The following KIF13B variants were observed in gnomAD, a reference collection of about 807,000 sequenced individuals.
KIF13B encodes kinesin-like protein KIF13B.
A neutral mutation model predicts 222.0 loss-of-function variants in KIF13B; 127 were observed. The ratio of observed to expected loss-of-function variants is 0.57; its 90% CI spans 0.50 to 0.66. KIF13B has a LOEUF of 0.66. Ranked by LOEUF, KIF13B falls within the 30% of genes least tolerant of loss-of-function variation. The probability of loss-of-function intolerance (pLI) is 0.00; values close to 1 mark genes in which losing one functional copy is unlikely to be tolerated. For synonymous variants in KIF13B, 976 were observed against 919.0 expected (o/e 1.06, Z -1.12); for missense variants, 2,173 against 2,379.0 (o/e 0.91, Z 1.80).
chr8:29,173,620 CA>C (rs143695269), intron 10 of KIF13B, among the ~76,000 whole-genome samples: 13,580 of 136,710 alleles, frequency 0.099, 823 homozygotes, highest in Non-Finnish European at 0.14. Flanking sequence ...ACCCTGTCTC[CA>C]AAAAAAAAAA....
intron 2 of KIF13B, among the ~76,000 whole-genome samples, chr8:29,206,082 C>T (rs1381507498): frequency 6.6e-6 from 1 of 151,852 alleles, no homozygotes; most frequent in Admixed American, 6.6e-5. Flanking sequence ...CAGAGCAAGA[C>T]CCCACCTTTT....
chr8:29,227,914 G>A (rs942478348), intron 2 of KIF13B, among the ~76,000 whole-genome samples: 2 of 152,054 alleles, frequency 1.3e-5, no homozygotes, highest in Non-Finnish European at 2.9e-5. Context: ...TAGTGCCACT[G>A]CATTCTAGCC....
chr8:29,196,262 T>A, intron 2 of KIF13B, 63 bp from the exon 3 acceptor site: 12 of 1,186,796 alleles, frequency 1.0e-5, no homozygotes, highest in Non-Finnish European at 1.3e-5. Flanking sequence ...AAAAAAAAAT[T>A]TAGTTTAGAA....
chr8:29,250,128 T>C, intron 1 of KIF13B: 1 of 1,022,076 alleles, frequency 9.8e-7, no homozygotes, highest in Non-Finnish European at 1.3e-6. Context: ...GGAAATCTAC[T>C]GTGACTCACC....
intron 15 of KIF13B, among the ~76,000 whole-genome samples, chr8:29,149,181 A>G (rs1217504533): frequency 6.6e-6 from 1 of 152,246 alleles, no homozygotes; most frequent in African/African-American, 2.4e-5. Flanking sequence ...GGGATATTCA[A>G]AATTTGTATA....
chr8:29,091,835 A>C (rs1280988093), intron 37 of KIF13B, among the ~76,000 whole-genome samples: 1 of 152,226 alleles, frequency 6.6e-6, no homozygotes, highest in African/African-American at 2.4e-5. Context: ...CTTGGTTTTA[A>C]TTGTTTCATC....
intron 10 of KIF13B, among the ~76,000 whole-genome samples, chr8:29,171,215 A>G (rs922969101): frequency 2.0e-5 from 3 of 152,230 alleles, no homozygotes; most frequent in African/African-American, 4.8e-5. Context: ...ATGGTTATTC[A>G]GAGGACCAAA....
chr8:29,128,951 C>T (rs540381490), intron 24 of KIF13B, among the ~76,000 whole-genome samples: 3 of 152,336 alleles, frequency 2.0e-5, no homozygotes, highest in African/African-American at 7.2e-5. Flanking sequence ...CCTCCAGAAG[C>T]TTCTGCAACC....
At chr8:29,103,784 C>A (rs1563702596) in intron 35 of KIF13B, among the ~76,000 whole-genome samples, 1 of 152,104 alleles carries the variant, frequency 6.6e-6, no homozygotes, top group Admixed American at 6.5e-5. Context: ...GAACCACTTT[C>A]CTCTCGCCTC....
chr8:29,223,210 G>A (rs7005723), intron 2 of KIF13B, among the ~76,000 whole-genome samples: 17,722 of 148,402 alleles, frequency 0.12, 1,193 homozygotes, highest in Non-Finnish European at 0.15. Context: ...GCATGGTGGC[G>A]CTCAAGTCCC....
At chr8:29,251,261 A>G (rs1439451754) in intron 1 of KIF13B, among the ~76,000 whole-genome samples, 1 of 152,096 alleles carries the variant, frequency 6.6e-6, no homozygotes, top group African/African-American at 2.4e-5. Context: ...AAAGATCAAC[A>G]CCTTTCTCTT....
chr8:29,146,629 G>T, intron 17 of KIF13B, 89 bp from the exon 18 acceptor site: 2 of 1,185,282 alleles, frequency 1.7e-6, no homozygotes, highest in Non-Finnish European at 1.2e-6. Context: ...GTACATCATT[G>T]CCAAAGTGTG....
At chr8:29,222,513 GACTTTTTTTTTTTTTTTTTTT>G (rs1814800622) in intron 2 of KIF13B, among the ~76,000 whole-genome samples, 3 of 95,730 alleles carry the variant, frequency 3.1e-5, no homozygotes, top group African/African-American at 4.1e-5. Context: ...TCCCACACCT[GACTTTTTTTTTTTTTTTTTTT>G]TTTTTTTTTT....
intron 1 of KIF13B, among the ~76,000 whole-genome samples, chr8:29,251,577 A>G (rs116899116): frequency 0.031 from 4,738 of 152,222 alleles, 101 homozygotes; most frequent in Middle Eastern, 0.048. Flanking sequence ...TCATAGAGAC[A>G]CAATGTAGAA....
chr8:29,141,873 A>G (rs937954544), intron 19 of KIF13B, among the ~76,000 whole-genome samples: 1 of 152,234 alleles, frequency 6.6e-6, no homozygotes, highest in Non-Finnish European at 1.5e-5. Flanking sequence ...CCCAGAGAGC[A>G]CAGGAGACAG....
In KIF13B at chr8:29,134,230, CTG is replaced by C; in HGVS notation, c.2614-22_2614-21del. 1 of 1,609,710 alleles carries C rather than the reference CTG, an allele frequency of 6.2e-7. No individual in the cohort carries two copies. The highest frequency in any genetic ancestry group is 8.5e-7 in the Non-Finnish European group (1 of 1,178,012). On this transcript the variant is annotated intron_variant, in intron 21 of 39. Coordinates refer to ENST00000524189, the MANE Select transcript of KIF13B (RefSeq NM_015254.4). ...TTTAACCTGAAGGAAAAAGAAGGCTCTGTGTTTTGAAATCTGAGGGTTCCAAC... is the reference window on the plus strand; with the variant it reads ...TTTAACCTGAAGGAAAAAGAAGGCTCTGTTTTGAAATCTGAGGGTTCCAAC...
intron 36 of KIF13B, among the ~76,000 whole-genome samples, chr8:29,093,812 A>G (rs1808404089): frequency 6.6e-6 from 1 of 152,212 alleles, no homozygotes; most frequent in South Asian, 2.1e-4. Context: ...GAAAAATAAA[A>G]AAGCAAAGAG....
intron 6 of KIF13B, among the ~76,000 whole-genome samples, chr8:29,183,636 A>C (rs1379590047): frequency 6.6e-6 from 1 of 152,236 alleles, no homozygotes; most frequent in African/African-American, 2.4e-5. Context: ...TTTGGGCTCT[A>C]GAACAGCAAG....
intron 6 of KIF13B, among the ~76,000 whole-genome samples, chr8:29,184,025 C>T (rs919094880): frequency 2.0e-5 from 3 of 152,052 alleles, no homozygotes; most frequent in African/African-American, 7.3e-5. Flanking sequence ...CTAGGATCAA[C>T]CATTAAAAAT....
Sources: gnomAD v4.1 joint callset for allele counts (sites outside exome capture counted in the v4.1 genomes callset) on GRCh38, gnomAD v4.1.1 for gene constraint, MANE v1.5 for transcripts, NCBI Gene and HGNC (gene_info 2026-07-23, HGNC 2026-07-21) for gene names.